Variants in SLC22A14 observed in about 807,000 individuals in gnomAD.
SLC22A14 encodes the protein organic cation transporter-like 4.
In SLC22A14, 50 loss-of-function variants were observed where a neutral mutation model predicts 53.9. The ratio of observed to expected loss-of-function variants is 0.93; its 90% confidence interval spans 0.74 to 1.17. The LOEUF is 1.17. Among genes scored for constraint, SLC22A14 ranks in the 50% most tolerant of loss-of-function variants. The pLI is 0.00. For synonymous variants in SLC22A14, 312 were observed against 303.0 expected (o/e 1.03, Z -0.31); for missense variants, 671 against 734.7 (o/e 0.91, Z 1.00).
Position 38,306,384 on chromosome 3 carries a change from A to G in SLC22A14, c.358A>G (p.Ile120Val), listed in dbSNP as rs765429335. ...CAAAGCTGAGCAGCTGAATCTGACC[A>G]TACCCCAAGCACCCAATGGCAGTTT... ...LSKAEQLNLT[I>V]PQAPNGSFLT... The change falls in exon 2 of 11, where the codon ATA becomes GTA. Residue 120 changes from isoleucine to valine, a missense_variant. Ile to Val is a conservative substitution (Grantham distance 29, BLOSUM62 3). Transcript: ENST00000448498. 1 of 1,614,188 alleles carries G rather than the reference A, an allele frequency of 6.2e-7. No individual in the cohort carries two copies. The highest frequency in any genetic ancestry group is 1.1e-5 in the South Asian group (1 of 91,086).
chr3:38,307,755 G>T lies in SLC22A14; in HGVS notation c.775+35G>T, dbSNP rs1205437011. On this transcript the variant is annotated intron_variant, in intron 4 of 10. Transcript: ENST00000448498. The surrounding 1 kb of genome is among the most constrained non-coding windows in gnomAD (Gnocchi z 4.4). ...GGCCTCAATGGGGCAGGGCAGGGTG[G>T]CACAGGGGCATGGCGGCATAGGCGG... 1 of 1,610,780 alleles carries T rather than the reference G, an allele frequency of 6.2e-7. No individual in the cohort carries two copies. Among genetic ancestry groups the T allele is most frequent in the African/African-American group, 1.3e-5 (1 of 74,872 alleles).
chr3:38,306,859 G>C (rs752845289), intron 2 of SLC22A14, among the ~76,000 whole-genome samples: 2 of 152,214 alleles, frequency 1.3e-5, no homozygotes, highest in Non-Finnish European at 2.9e-5. Context: ...AAGCAGCTTT[G>C]ATCAGGCATC....
chr3:38,318,274 C>G lies in SLC22A14; in HGVS notation c.*25C>G, dbSNP rs754583632. 1 of 1,604,090 alleles carries G rather than the reference C, an allele frequency of 6.2e-7. No individual in the cohort carries two copies. The highest frequency in any genetic ancestry group is 8.5e-7 in the Non-Finnish European group (1 of 1,170,826). On this transcript the variant is annotated 3_prime_UTR_variant, in exon 11 of 11. Transcript: ENST00000448498. Reference sequence around the variant, plus strand: ...AGGAAGCGGCCAAGAATGTCATTCTCAATGCCCAGATCCTGAGATTGGACC... The same window carrying G: ...AGGAAGCGGCCAAGAATGTCATTCTGAATGCCCAGATCCTGAGATTGGACC...
At chr3:38,295,312 C>T (rs2106078) in intron 1 of SLC22A14, among the ~76,000 whole-genome samples, 36 of 152,264 alleles carry the variant, frequency 2.4e-4, no homozygotes, top group African/African-American at 8.4e-4. Context: ...TAGTAAGCTA[C>T]CTTTTTGCTT....
Position 38,306,378 on chromosome 3 carries a change from C to G in SLC22A14, c.352C>G (p.Leu118Val). The G allele has an allele frequency of 6.2e-7, 1 of 1,614,234 alleles. No homozygotes were observed. The highest frequency in any genetic ancestry group is 8.5e-7 in the Non-Finnish European group (1 of 1,180,042). Residue 118 changes from leucine (L) to valine (V), a missense_variant, in exon 2 of 11, where the codon CTG becomes GTG. Transcript: ENST00000448498. ...PHLSKAEQLN[L>V]TIPQAPNGSF... ...CCTGTCCAAAGCTGAGCAGCTGAAT[C>G]TGACCATACCCCAAGCACCCAATGG...
In SLC22A14 at chr3:38,313,495, C is replaced by T; in HGVS notation, c.1163+10C>T. ...TGATGAGCTGTGTGTGGTGAGTATCCAGGGCTCGCTGGCAGGGACTGCGAA... is the reference window on the plus strand; with the variant it reads ...TGATGAGCTGTGTGTGGTGAGTATCTAGGGCTCGCTGGCAGGGACTGCGAA... On this transcript the variant is annotated intron_variant, in intron 7 of 10. Transcript: ENST00000448498. 6.3e-7 allele frequency: 1 copy of T among 1,586,102 alleles called. No homozygotes were observed.
Position 38,306,224 on chromosome 3 carries a change from G to A in SLC22A14, c.198G>A (p.Gln66=). ...LDAVGEFGTF[Q]QRLVALTFIP... ...CGGTGGGGGAGTTTGGCACATTCCAGCAGAGGCTAGTAGCCCTCACCTTTA... is the reference window on the plus strand; with the variant it reads ...CGGTGGGGGAGTTTGGCACATTCCAACAGAGGCTAGTAGCCCTCACCTTTA... Residue 66 remains glutamine (Q), a synonymous_variant, in exon 2 of 11, where the codon CAG becomes CAA. Transcript: ENST00000448498. 1.2e-6 allele frequency: 2 copies of A among 1,614,156 alleles called. No individual in the cohort carries two copies. The highest frequency in any genetic ancestry group is 1.7e-6 in the Non-Finnish European group (2 of 1,180,024).
At chr3:38,281,035 T>G (rs955638380), upstream of SLC22A14, among the ~76,000 whole-genome samples, 16 of 152,216 alleles carry the variant, frequency 1.1e-4, no homozygotes, top group African/African-American at 3.6e-4. Context: ...TGCTGTCTGC[T>G]TGGTCCCTTT....
chr3:38,292,755 T>C (rs4955406), intron 1 of SLC22A14, among the ~76,000 whole-genome samples: 9,773 of 152,114 alleles, frequency 0.064, 372 homozygotes, highest in East Asian at 0.16. Context: ...GGACAACAAA[T>C]GGGTGTTCCT....
chr3:38,294,658 C>T (rs1037544627), intron 1 of SLC22A14, among the ~76,000 whole-genome samples: 15 of 152,138 alleles, frequency 9.9e-5, no homozygotes, highest in South Asian at 2.1e-4. Flanking sequence ...TTCCAGGGTG[C>T]GTAACCACCC....
At chr3:38,309,174 G>A in intron 5 of SLC22A14, 52 bp downstream of exon 5, 1 of 1,496,380 alleles carries the variant, frequency 6.7e-7, no homozygotes, top group Non-Finnish European at 9.3e-7. Context: ...TGGGCTGGAT[G>A]TCGATGAGTA....
At chr3:38,310,181 C>T (rs930095811) in intron 5 of SLC22A14, among the ~76,000 whole-genome samples, 1 of 151,922 alleles carries the variant, frequency 6.6e-6, no homozygotes, top group Non-Finnish European at 1.5e-5. Context: ...AGTTTGGGAC[C>T]AGCCTGGGCA....
chr3:38,314,162 G>A (rs567466534), intron 8 of SLC22A14, among the ~76,000 whole-genome samples: 54 of 152,292 alleles, frequency 3.5e-4, no homozygotes, highest in Admixed American at 1.5e-3. Context: ...TCTCTCAGAG[G>A]CCTGAAAGAG....
Position 38,306,533 on chromosome 3 carries a change from G to C in SLC22A14, c.507G>C (p.Leu169=), listed in dbSNP as rs770226733. 26 of 1,611,664 alleles carry C rather than the reference G, an allele frequency of 1.6e-5. No homozygotes were observed. Among genetic ancestry groups the C allele is most frequent in the Non-Finnish European group, 2.0e-5 (24 of 1,178,570 alleles). The change falls in exon 2 of 11, where the codon CTG becomes CTC. Residue 169 remains leucine (L), a synonymous_variant. Coordinates refer to ENST00000448498, the MANE Select transcript of SLC22A14 (RefSeq NM_001320033.2). ...ATCCTGACGCTAAGAAGCGATCGCT[G>C]ATCAATGAGGTATGTCTTGTCATGG... The part of the protein sequence containing the change: ...WIYPDAKKRS[L]INEFDLVCGM...
At chr3:38,313,683 T>TGTGTGTGCGTGTGCGCGCGCGC (rs539249729) in intron 7 of SLC22A14, 44 bp from the exon 8 acceptor site, 1 of 737,126 alleles carries the variant, frequency 1.4e-6, no homozygotes. Flanking sequence ...GCTCCGTGTG[T>TGTGTGTGCGTGTGCGCGCGCGC]GTGCGCGCGT....
intron 1 of SLC22A14, among the ~76,000 whole-genome samples, chr3:38,295,966 G>A (rs1393357524): frequency 6.6e-6 from 1 of 152,202 alleles, no homozygotes; most frequent in Non-Finnish European, 1.5e-5. Flanking sequence ...TGGGTTTATA[G>A]CCTAGATGCC....
chr3:38,312,768 G>C (rs1280772917), intron 5 of SLC22A14, among the ~76,000 whole-genome samples: 1 of 152,200 alleles, frequency 6.6e-6, no homozygotes, highest in Non-Finnish European at 1.5e-5. Flanking sequence ...GCAGCCGGTG[G>C]TCAGGGTGTT....
intron 1 of SLC22A14, among the ~76,000 whole-genome samples, chr3:38,293,071 G>A (rs1459180208): frequency 6.6e-6 from 1 of 152,164 alleles, no homozygotes; most frequent in Non-Finnish European, 1.5e-5. Context: ...TGAGGGTGAT[G>A]GCATGGGCTG....
chr3:38,312,564 C>G lies in SLC22A14; in HGVS notation c.945-435C>G, dbSNP rs544322028. Among the ~76,000 whole-genome samples the G allele has an allele frequency of 2.1e-4, 32 of 152,312 alleles. No individual in the cohort carries two copies. The South Asian group carries it at 5.8e-3, about 28-fold the overall frequency. On this transcript the variant is annotated intron_variant, in intron 5 of 10. Coordinates refer to ENST00000448498, the MANE Select transcript of SLC22A14 (RefSeq NM_001320033.2). ...AGACCCAGGGTCCTGCCCCCTCACA[C>G]TCCTCAGGCTGTTGGGGAGACAGAT...
Sources: allele counts gnomAD v4.1 joint callset (sites outside exome capture counted in the v4.1 genomes callset), GRCh38; gene constraint gnomAD v4.1.1; non-coding constraint Gnocchi (gnomAD v3.1); transcripts MANE v1.5; gene names NCBI Gene and HGNC (gene_info 2026-07-23, HGNC 2026-07-21).